The following FAM47E variants were observed in gnomAD, a reference collection of about 807,000 sequenced individuals.
The protein encoded by FAM47E is protein FAM47E.
In FAM47E, 32 loss-of-function variants were observed where a neutral mutation model predicts 41.6. That is an observed-to-expected ratio of 0.77 (90% CI 0.58 to 1.03). The LOEUF is 1.03. Among genes scored for constraint, FAM47E ranks in the 50% least tolerant of loss-of-function variants. FAM47E has a pLI of 0.00. For missense variants in FAM47E, 424 were observed against 485.4 expected (o/e 0.87, Z 1.19); for synonymous variants, 184 against 188.7 (o/e 0.98, Z 0.20).
At chr4:76,256,150 G>T in intron 1 of FAM47E, 28 bp from the exon 2 acceptor site, 3 of 1,541,346 alleles carry the variant, frequency 1.9e-6, no homozygotes, top group Non-Finnish European at 2.6e-6. Flanking sequence ...GGTATTCTAG[G>T]TACAAAGAGA....
At chr4:76,250,011 T>C (rs1733917876), upstream of FAM47E, among the ~76,000 whole-genome samples, 1 of 152,182 alleles carries the variant, frequency 6.6e-6, no homozygotes, top group African/African-American at 2.4e-5. Flanking sequence ...ATTGTGCTGC[T>C]ATTAACATGT....
At chr4:76,224,294 A>G (rs1733358580) in intron 2 of FAM47E, among the ~76,000 whole-genome samples, 1 of 152,228 alleles carries the variant, frequency 6.6e-6, no homozygotes, top group Non-Finnish European at 1.5e-5. Flanking sequence ...ATCCGAAGGA[A>G]AAATAAAACT....
chr4:76,231,508 C>T (rs1733491888), intron 2 of FAM47E, among the ~76,000 whole-genome samples: 1 of 146,634 alleles, frequency 6.8e-6, no homozygotes, highest in Non-Finnish European at 1.5e-5. Flanking sequence ...TTCTCACTCG[C>T]CAGTCCTCAT....
At chr4:76,221,150 C>T (rs965401892) in intron 2 of FAM47E, among the ~76,000 whole-genome samples, 11 of 152,180 alleles carry the variant, frequency 7.2e-5, no homozygotes, top group Non-Finnish European at 1.6e-4. Context: ...GGAAGAAAAA[C>T]CCATTGTGGC....
chr4:76,278,147 G>A lies in FAM47E; in HGVS notation c.949G>A (p.Val317Ile). Residue 317 changes from valine (V) to isoleucine (I), a missense_variant, in exon 6 of 8, where the codon GTA becomes ATA. By Grantham distance (29) the Val-to-Ile change is conservative. Transcript: ENST00000424749. ...LNPKLWKKQR[V>I]DEPLVDPEVS... The stretch of plus-strand genomic sequence containing the variant: ...CCCCAAGTTGTGGAAAAAGCAAAGA[G>A]TAGACGAGCCTCTGGTTGACCCTGA... 3 of 1,550,956 alleles carry A rather than the reference G, an allele frequency of 1.9e-6. No homozygotes were observed. The highest frequency in any genetic ancestry group is 2.6e-6 in the Non-Finnish European group (3 of 1,146,804).
chr4:76,225,032 T>C (rs533838981), intron 2 of FAM47E, among the ~76,000 whole-genome samples: 27 of 152,328 alleles, frequency 1.8e-4, no homozygotes, highest in African/African-American at 5.1e-4. Context: ...TGTGAGAAGA[T>C]ACAATGTTTG....
chr4:76,269,899 A>G (rs993920475), intron 4 of FAM47E, among the ~76,000 whole-genome samples: 2 of 152,058 alleles, frequency 1.3e-5, no homozygotes, highest in African/African-American at 4.8e-5. Flanking sequence ...GAGTCTCTGT[A>G]GATGTCTAAA....
At chr4:76,220,000 T>C (rs1560726686) in intron 2 of FAM47E, among the ~76,000 whole-genome samples, 1 of 152,262 alleles carries the variant, frequency 6.6e-6, no homozygotes, top group East Asian at 1.9e-4. Flanking sequence ...CGTTTCAGAA[T>C]ATTAATGAGT....
intron 3 of FAM47E, among the ~76,000 whole-genome samples, chr4:76,264,426 A>G (rs962361392): frequency 2.0e-5 from 3 of 151,862 alleles, no homozygotes; most frequent in African/African-American, 7.3e-5. Context: ...TGCATAAACC[A>G]TACCTGTAAT....
At chr4:76,220,920 C>T (rs556169744) in intron 2 of FAM47E, among the ~76,000 whole-genome samples, 105 of 152,134 alleles carry the variant, frequency 6.9e-4, no homozygotes, top group Non-Finnish European at 1.2e-3. Flanking sequence ...ATTCTCTCAG[C>T]GGAGTCAGTA....
intron 2 of FAM47E, among the ~76,000 whole-genome samples, chr4:76,241,359 A>G (rs1053265926): frequency 3.3e-5 from 5 of 152,122 alleles, no homozygotes; most frequent in African/African-American, 1.2e-4. Flanking sequence ...GTTTGCCACA[A>G]TGGGGGGGAA....
intron 2 of FAM47E, among the ~76,000 whole-genome samples, chr4:76,243,914 C>T (rs1733764346): frequency 6.6e-6 from 1 of 152,064 alleles, no homozygotes; most frequent in Admixed American, 6.6e-5. Flanking sequence ...CCTGACAGGC[C>T]CCGGTATGTG....
upstream of FAM47E, among the ~76,000 whole-genome samples, chr4:76,249,271 G>A (rs1733899634): frequency 6.6e-6 from 1 of 152,038 alleles, no homozygotes; most frequent in African/African-American, 2.4e-5. Context: ...ACTTTAAGGT[G>A]AGAAATGGGA....
chr4:76,248,827 T>C (rs1733889271), upstream of FAM47E, among the ~76,000 whole-genome samples: 1 of 151,138 alleles, frequency 6.6e-6, no homozygotes, highest in Non-Finnish European at 1.5e-5. Flanking sequence ...AACTCAAAGG[T>C]GAAATGTATT....
chr4:76,216,323 A>C (rs554829095), intron 1 of FAM47E, among the ~76,000 whole-genome samples: 3 of 152,150 alleles, frequency 2.0e-5, no homozygotes, highest in Non-Finnish European at 4.4e-5. Context: ...CTAGAAAAAA[A>C]AATTTGGTAA....
At chr4:76,275,330 A>T (rs888908588) in intron 5 of FAM47E, among the ~76,000 whole-genome samples, 1 of 152,126 alleles carries the variant, frequency 6.6e-6, no homozygotes, top group Non-Finnish European at 1.5e-5. Context: ...TGATTTTTCC[A>T]TGGAGCTCTT....
At position 76,280,351 on chromosome 4, in the gene FAM47E, G is replaced by C; in HGVS notation, c.1104+10G>C. 2 of 1,501,458 alleles carry C rather than the reference G, an allele frequency of 1.3e-6. No homozygotes were observed. The highest frequency in any genetic ancestry group is 1.8e-6 in the Non-Finnish European group (2 of 1,104,944). The allele number at this position is 1,501,458 out of a possible 1,614,324, so 93.0% of individuals were successfully genotyped here. ...CTACAGGACGCCACGTGTGAGTAAAGGGTCCTTTCAGAAGGCCCTGCTGAG... is the reference window on the plus strand; with the variant it reads ...CTACAGGACGCCACGTGTGAGTAAACGGTCCTTTCAGAAGGCCCTGCTGAG... On this transcript the variant is annotated intron_variant, in intron 7 of 7. Transcript: ENST00000424749.
intron 2 of FAM47E, among the ~76,000 whole-genome samples, chr4:76,262,813 AGT>A (rs1447456424): frequency 6.6e-6 from 1 of 151,962 alleles, no homozygotes; most frequent in Non-Finnish European, 1.5e-5. Context: ...CCTAAGCTGG[AGT>A]GTAGTGGTGC....
rs1735436545 is a variant in FAM47E at position 76,283,300 on chromosome 4, A to T, written c.1105-81A>T. On this transcript the variant is annotated intron_variant, in intron 7 of 7. Coordinates refer to ENST00000424749, the MANE Select transcript of FAM47E (RefSeq NM_001136570.3). ...ATTAGAGTGTGAAATTTTGAGTTAG[A>T]TATGGTAGTGGTTGTGGGGAGGACT... 5.4e-6 allele frequency: 4 copies of T among 743,910 alleles called. No homozygotes were observed. The Admixed American group carries it at 7.2e-5, about 13-fold the overall frequency. 46.1% of individuals were successfully genotyped at this position (743,910 alleles called of 1,614,324 possible).
Sources: gnomAD v4.1 joint callset for allele counts (sites outside exome capture counted in the v4.1 genomes callset) on GRCh38, gnomAD v4.1.1 for gene constraint, MANE v1.5 for transcripts, NCBI Gene and HGNC (gene_info 2026-07-23, HGNC 2026-07-21) for gene names.